PLEKHG3: variants seen among roughly 807,000 people sequenced by gnomAD.
PLEKHG3 encodes pleckstrin homology and RhoGEF domain containing G3, also known as pleckstrin homology domain-containing family G member 3.
Under a neutral mutation model 94.9 loss-of-function variants are expected in PLEKHG3, and 62 were observed. That is an observed-to-expected ratio of 0.65 (90% CI 0.53 to 0.81). PLEKHG3 has a LOEUF of 0.81. Ranked by LOEUF, PLEKHG3 falls within the 30% of genes least tolerant of loss-of-function variation. PLEKHG3 has a pLI of 0.00. For synonymous variants in PLEKHG3, 614 were observed against 654.0 expected (o/e 0.94, Z 0.93); for missense variants, 1,461 against 1,619.3 (o/e 0.90, Z 1.68).
chr14:64,746,073 G>T lies in PLEKHG3; in HGVS notation c.*2370G>T, dbSNP rs1316647954. 2 of 152,202 alleles carry T rather than the reference G, an allele frequency of 1.3e-5. No individual in the cohort carries two copies. Among genetic ancestry groups the T allele is most frequent in the African/African-American group, 4.8e-5 (2 of 41,428 alleles). 9.4% of individuals were successfully genotyped at this position (152,202 alleles called of 1,614,324 possible). On this transcript the variant is annotated 3_prime_UTR_variant, in exon 17 of 17. Coordinates refer to ENST00000247226, the MANE Select transcript of PLEKHG3 (RefSeq NM_001308147.2). This position sits in a 1 kb window ranked among gnomAD's most constrained non-coding sequence, Gnocchi z 4.9. Reference sequence around the variant, plus strand: ...TGCTTGGAAATGATTTTGCCCTACAGTAGGCCTTCAAGTTGATCAAATGCA... The same window carrying T: ...TGCTTGGAAATGATTTTGCCCTACATTAGGCCTTCAAGTTGATCAAATGCA...
In PLEKHG3 at chr14:64,727,631, G is replaced by A. The variant is rs145662527; in HGVS notation, c.-1G>A. On this transcript the variant is annotated 5_prime_UTR_variant, in exon 2 of 17. Coordinates refer to ENST00000247226, the MANE Select transcript of PLEKHG3 (RefSeq NM_001308147.2). This position sits in a 1 kb window ranked among gnomAD's most constrained non-coding sequence, Gnocchi z 6.0. ...TGCCCTCCCCAGGCAGCAATGCCAG[G>A]ATGCCTGTGTCCACCTCCCTCCACC... 2 of 1,600,218 alleles carry A rather than the reference G, an allele frequency of 1.2e-6. No homozygotes were observed. Among genetic ancestry groups the A allele is most frequent in the Non-Finnish European group, 1.7e-6 (2 of 1,169,186 alleles).
chr14:64,728,039 GAGGGA>G lies in PLEKHG3; in HGVS notation c.351+60_351+64del. ...CTAGCAGAAGCCTGTTTCACCCTGG[GAGGGA>G]AGCTCTCAAAAGACCTGCTTCCCAT... is the stretch of plus-strand genomic sequence containing the variant. On this transcript the variant is annotated intron_variant, in intron 2 of 16. Coordinates refer to ENST00000247226, the MANE Select transcript of PLEKHG3 (RefSeq NM_001308147.2). The surrounding 1 kb of genome is among the most constrained non-coding windows in gnomAD (Gnocchi z 5.9). The G allele has an allele frequency of 8.8e-7, 1 of 1,140,850 alleles. No homozygotes were observed. The highest frequency in any genetic ancestry group is 1.2e-6 in the Non-Finnish European group (1 of 822,204). 70.7% of individuals were successfully genotyped at this position (1,140,850 alleles called of 1,614,324 possible). A position where few individuals can be genotyped will look rare whatever the true frequency, so the allele number is the denominator to read the frequency against.
At chr14:64,736,736 G>T (rs942937139) in intron 12 of PLEKHG3, 117 bp from the exon 13 acceptor site, 6 of 796,180 alleles carry the variant, frequency 7.5e-6, no homozygotes, top group Non-Finnish European at 1.3e-5. Context: ...ACTGCAGGGG[G>T]CCAAGCCAGA....
At position 64,732,275 on chromosome 14, in the gene PLEKHG3, G is replaced by A; in HGVS notation, c.1212+94G>A. ...ATTGGGGGCTCACCTTCTGGATTTGGGCTCCAGTGGACAGTGAGTGTCAGT... is the reference window on the plus strand; with the variant it reads ...ATTGGGGGCTCACCTTCTGGATTTGAGCTCCAGTGGACAGTGAGTGTCAGT... On this transcript the variant is annotated intron_variant, in intron 10 of 16. Coordinates refer to ENST00000247226, the MANE Select transcript of PLEKHG3 (RefSeq NM_001308147.2). The surrounding 1 kb of genome is among the most constrained non-coding windows in gnomAD (Gnocchi z 4.9). The A allele has an allele frequency of 7.7e-7, 1 of 1,299,194 alleles. No individual in the cohort carries two copies. The highest frequency in any genetic ancestry group is 1.1e-6 in the Non-Finnish European group (1 of 895,060). 80.5% of individuals were successfully genotyped at this position (1,299,194 alleles called of 1,614,324 possible).
intron 1 of PLEKHG3, among the ~76,000 whole-genome samples, chr14:64,711,028 T>G (rs893901651): frequency 6.6e-6 from 1 of 152,220 alleles, no homozygotes; most frequent in African/African-American, 2.4e-5. Context: ...GCTAAAATTT[T>G]AAGTGTTGAT....
intron 14 of PLEKHG3, chr14:64,737,840 G>C (rs1437192133): frequency 8.7e-7 from 1 of 1,152,836 alleles, no homozygotes; most frequent in Non-Finnish European, 1.1e-6. Flanking sequence ...CTGGTCACGA[G>C]GGGGTCTTGT....
In PLEKHG3 at chr14:64,718,608, C is replaced by T. The variant is rs1271384758; in HGVS notation, c.-39-8985C>T. Among the ~76,000 whole-genome samples the T allele has an allele frequency of 1.3e-5, 2 of 152,142 alleles. No individual in the cohort carries two copies. The highest frequency in any genetic ancestry group is 2.9e-5 in the Non-Finnish European group (2 of 68,026). ...CAGAGAGAGATTGAGGCACAAAGAG[C>T]CCGCTGACTTGCTCCTGATCATACA... On this transcript the variant is annotated intron_variant, in intron 1 of 16. Transcript: ENST00000247226. This position sits in a 1 kb window ranked among gnomAD's most constrained non-coding sequence, Gnocchi z 5.0.
chr14:64,728,174 C>T lies in PLEKHG3; in HGVS notation c.351+192C>T, dbSNP rs1008846908. Among the ~76,000 whole-genome samples, 2 of 152,186 alleles carry T rather than the reference C, an allele frequency of 1.3e-5. No individual in the cohort carries two copies. Among genetic ancestry groups the T allele is most frequent in the African/African-American group, 4.8e-5 (2 of 41,444 alleles). On this transcript the variant is annotated intron_variant, in intron 2 of 16. Transcript: ENST00000247226. The surrounding 1 kb of genome is among the most constrained non-coding windows in gnomAD (Gnocchi z 5.9). ...CCTTGGGCCAGATCAGTAGCTTGGGCCGACAGGAGTGAGCATCGTTGATAG... is the reference window on the plus strand; with the variant it reads ...CCTTGGGCCAGATCAGTAGCTTGGGTCGACAGGAGTGAGCATCGTTGATAG...
rs1345466237 is a variant in PLEKHG3, at chr14:64,745,368, G to C, written c.*1665G>C. Reference sequence around the variant, plus strand: ...TGCCTGACAAGTGTTCAGCAGGGCTGCTGGGTCAGGGCCCTGTGGGCCTTC... The same window carrying C: ...TGCCTGACAAGTGTTCAGCAGGGCTCCTGGGTCAGGGCCCTGTGGGCCTTC... On this transcript the variant is annotated 3_prime_UTR_variant, in exon 17 of 17. Transcript: ENST00000247226. The surrounding 1 kb of genome is among the most constrained non-coding windows in gnomAD (Gnocchi z 5.0). 1 of 152,276 alleles carries C rather than the reference G, an allele frequency of 6.6e-6. No individual in the cohort carries two copies. The highest frequency in any genetic ancestry group is 6.5e-5 in the Admixed American group (1 of 15,294). The allele number at this position is 152,276 out of a possible 1,614,324, so 9.4% of individuals were successfully genotyped here. A position where few individuals can be genotyped will look rare whatever the true frequency, so the allele number is the denominator to read the frequency against.
rs367793179 is a variant in PLEKHG3, at chr14:64,732,498, G to A, written c.1246+38G>A. ...TTTTCTGCCTGTTTTGTCCCTAATC[G>A]TGCACATTGCTAGGTCAGGCTGCAT... is the stretch of plus-strand genomic sequence containing the variant. On this transcript the variant is annotated intron_variant, in intron 11 of 16. Coordinates refer to ENST00000247226, the MANE Select transcript of PLEKHG3 (RefSeq NM_001308147.2). The surrounding 1 kb of genome is among the most constrained non-coding windows in gnomAD (Gnocchi z 4.9). The A allele has an allele frequency of 8.9e-6, 14 of 1,577,702 alleles. No individual in the cohort carries two copies. Among genetic ancestry groups the A allele is most frequent in the Admixed American group, 5.0e-5 (3 of 59,956 alleles).
At position 64,747,966 on chromosome 14, in the gene PLEKHG3, C is replaced by T. The variant is rs2081874240; in HGVS notation, c.*4263C>T. 6.6e-6 allele frequency: 1 copy of T among 152,180 alleles called. No homozygotes were observed. The highest frequency in any genetic ancestry group is 1.5e-5 in the Non-Finnish European group (1 of 68,080). 9.4% of individuals were successfully genotyped at this position (152,180 alleles called of 1,614,324 possible). A position where few individuals can be genotyped will look rare whatever the true frequency, so the allele number is the denominator to read the frequency against. ...CTGAGCAGCAAGGGGAAGGCCATTC[C>T]TGGGGACGTTGGTTGCAGAGCTTCT... On this transcript the variant is annotated 3_prime_UTR_variant, in exon 17 of 17. Transcript: ENST00000247226.
At position 64,746,587 on chromosome 14, in the gene PLEKHG3, G is replaced by A. The variant is rs574237986; in HGVS notation, c.*2884G>A. ...AGCCTAGGGGACCCTGGCTCCCTCC[G>A]ATAGGCAGGAAGGAGGAGGGATGCG... is the stretch of plus-strand genomic sequence containing the variant. On this transcript the variant is annotated 3_prime_UTR_variant, in exon 17 of 17. Coordinates refer to ENST00000247226, the MANE Select transcript of PLEKHG3 (RefSeq NM_001308147.2). The surrounding 1 kb of genome is among the most constrained non-coding windows in gnomAD (Gnocchi z 4.9). The A allele has an allele frequency of 5.9e-5, 9 of 152,490 alleles. No individual in the cohort carries two copies. The highest frequency in any genetic ancestry group is 1.3e-4 in the Admixed American group (2 of 15,274). The allele number at this position is 152,490 out of a possible 1,614,324, so 9.4% of individuals were successfully genotyped here. A position where few individuals can be genotyped will look rare whatever the true frequency, so the allele number is the denominator to read the frequency against.
chr14:64,722,347 T>A lies in PLEKHG3; in HGVS notation c.-39-5246T>A, dbSNP rs2139373129. 6.6e-6 allele frequency among the ~76,000 whole-genome samples: 1 copy of A among 152,298 alleles called. No individual in the cohort carries two copies. The highest frequency in any genetic ancestry group is 1.5e-5 in the Non-Finnish European group (1 of 68,030). ...CCTCAGCCTCGCGAGTAGCTGGGAT[T>A]ACAGGTGCATGCCACCACACCCGGC... On this transcript the variant is annotated intron_variant, in intron 1 of 16. Coordinates refer to ENST00000247226, the MANE Select transcript of PLEKHG3 (RefSeq NM_001308147.2). This position sits in a 1 kb window ranked among gnomAD's most constrained non-coding sequence, Gnocchi z 4.3.
chr14:64,741,049 C>G lies in PLEKHG3; in HGVS notation c.1532C>G (p.Pro511Arg). Residue 511 changes from proline to arginine, a missense_variant, in exon 16 of 17, where the codon CCT (proline) becomes CGT (arginine). By Grantham distance (103) the Pro-to-Arg change is moderately radical (BLOSUM62 -2). Transcript: ENST00000247226. ...GCTATGTTTCAGGTTGAGCCGGACCCTGAGGCTGGGAGTGAGCAAGAGGTA... is the reference window on the plus strand; with the variant it reads ...GCTATGTTTCAGGTTGAGCCGGACCGTGAGGCTGGGAGTGAGCAAGAGGTA... The part of the protein sequence containing the change: ...ISSLPEVEPD[P>R]EAGSEQEVFS... The G allele has an allele frequency of 6.3e-7, 1 of 1,587,920 alleles. No homozygotes were observed.
chr14:64,742,469 G>A lies in PLEKHG3; in HGVS notation c.2938+14G>A, dbSNP rs1276125224. ...TAGGTGGCAAAGGTATGACAGAAGC[G>A]GCAAGTGGGCCCTTCCCCAAGTCTA... On this transcript the variant is annotated intron_variant, in intron 16 of 16. Coordinates refer to ENST00000247226, the MANE Select transcript of PLEKHG3 (RefSeq NM_001308147.2). 2.8e-5 allele frequency: 44 copies of A among 1,568,136 alleles called. No homozygotes were observed. In the Admixed American group the frequency reaches 3.5e-4, roughly 13 times the overall value.
At chr14:64,735,603 C>A (rs1172691727) in intron 12 of PLEKHG3, among the ~76,000 whole-genome samples, 3 of 152,158 alleles carry the variant, frequency 2.0e-5, no homozygotes, top group Non-Finnish European at 2.9e-5. Context: ...ACAGATGAGA[C>A]CTTGTTGCAA....
In PLEKHG3 at chr14:64,727,340, T is replaced by G. The variant is rs753271218; in HGVS notation, c.-39-253T>G. On this transcript the variant is annotated intron_variant, in intron 1 of 16. Coordinates refer to ENST00000247226, the MANE Select transcript of PLEKHG3 (RefSeq NM_001308147.2). This position sits in a 1 kb window ranked among gnomAD's most constrained non-coding sequence, Gnocchi z 6.0. ...TTTGTTTTGTTAATTGTGTTAAATG[T>G]AAATACACATAACATAAAATTTACC... is the stretch of plus-strand genomic sequence containing the variant. Among the ~76,000 whole-genome samples the G allele has an allele frequency of 1.3e-4, 20 of 152,186 alleles. No homozygotes were observed. The highest frequency in any genetic ancestry group is 2.2e-4 in the Non-Finnish European group (15 of 68,018).
intron 3 of PLEKHG3, 41 bp downstream of exon 3, chr14:64,729,134 A>G (rs1442869162): frequency 2.1e-6 from 2 of 934,888 alleles, no homozygotes; most frequent in East Asian, 5.3e-5. Context: ...TCTGCCTGCG[A>G]GGCCCACCTC....
Position 64,731,837 on chromosome 14 carries a change from G to A in PLEKHG3, c.1125+31G>A. On this transcript the variant is annotated intron_variant, in intron 9 of 16. Coordinates refer to ENST00000247226, the MANE Select transcript of PLEKHG3 (RefSeq NM_001308147.2). This position sits in a 1 kb window ranked among gnomAD's most constrained non-coding sequence, Gnocchi z 6.1. The stretch of plus-strand genomic sequence containing the variant: ...GGGAAGGTGGGGCTCAGGGGCTAGG[G>A]AACAAGATGCCCAGGGGACACCTGC... 1 of 1,492,512 alleles carries A rather than the reference G, an allele frequency of 6.7e-7. No individual in the cohort carries two copies. The highest frequency in any genetic ancestry group is 9.3e-7 in the Non-Finnish European group (1 of 1,070,550). The allele number at this position is 1,492,512 out of a possible 1,614,324, so 92.5% of individuals were successfully genotyped here. A position where few individuals can be genotyped will look rare whatever the true frequency, so the allele number is the denominator to read the frequency against.
Sources: allele counts gnomAD v4.1 joint callset (sites outside exome capture counted in the v4.1 genomes callset), GRCh38; gene constraint gnomAD v4.1.1; non-coding constraint Gnocchi (gnomAD v3.1); transcripts MANE v1.5; gene names NCBI Gene and HGNC (gene_info 2026-07-23, HGNC 2026-07-21).